ENAH: variants seen among roughly 807,000 people sequenced by gnomAD.
The protein encoded by ENAH is protein enabled homolog.
A neutral mutation model predicts 78.7 loss-of-function variants in ENAH; 23 were observed. The observed-to-expected ratio is 0.29, with a 90% CI of 0.21 to 0.41. ENAH has a LOEUF of 0.41. ENAH is among the 10% of genes least tolerant of loss of function. The pLI is 1.00. For missense variants in ENAH, 544 were observed against 691.0 expected (o/e 0.79, Z 2.39); for synonymous variants, 226 against 241.0 (o/e 0.94, Z 0.58).
At chr1:225,583,808 CAAAAAAAAAAAAAG>C (rs1190296642) in intron 1 of ENAH, among the ~76,000 whole-genome samples, 1 of 132,760 alleles carries the variant, frequency 7.5e-6, no homozygotes, top group East Asian at 2.2e-4. Flanking sequence ...ACCTCCATCT[CAAAAAAAAAAAAAG>C]AAAAGAAAGA....
At chr1:225,534,694 G>A (rs1342782392) in intron 3 of ENAH, among the ~76,000 whole-genome samples, 1 of 151,936 alleles carries the variant, frequency 6.6e-6, no homozygotes, top group Admixed American at 6.6e-5. Context: ...GCATATATGA[G>A]GTTTCTTTTC....
chr1:225,500,172 C>T (rs1053865284), intron 12 of ENAH, among the ~76,000 whole-genome samples: 2 of 152,182 alleles, frequency 1.3e-5, no homozygotes, highest in Admixed American at 1.3e-4. Flanking sequence ...AATTTTATAA[C>T]TCAATTTAAC....
chr1:225,515,930 GA>G (rs775211271), intron 6 of ENAH, among the ~76,000 whole-genome samples: 2 of 152,210 alleles, frequency 1.3e-5, no homozygotes, highest in Non-Finnish European at 2.9e-5. Context: ...GAACGTCTTA[GA>G]ATTCTGACTA....
intron 1 of ENAH, among the ~76,000 whole-genome samples, chr1:225,633,501 A>T (rs909905639): frequency 1.1e-4 from 17 of 152,196 alleles, no homozygotes; most frequent in African/African-American, 3.4e-4. Flanking sequence ...AAGGTAAAAT[A>T]AGAGGCTATA....
At chr1:225,529,854 CTCCTCCCCTG>C (rs2096529217) in intron 4 of ENAH, among the ~76,000 whole-genome samples, 2 of 152,206 alleles carry the variant, frequency 1.3e-5, no homozygotes, top group Non-Finnish European at 2.9e-5. Flanking sequence ...GCTGTACCAG[CTCCTCCCCTG>C]TCCTCCCCAA....
chr1:225,528,654 G>C (rs2096523111), intron 4 of ENAH, among the ~76,000 whole-genome samples: 1 of 152,210 alleles, frequency 6.6e-6, no homozygotes, highest in African/African-American at 2.4e-5. Context: ...GAAGGTGGTG[G>C]TCATTAGTAG....
intron 1 of ENAH, among the ~76,000 whole-genome samples, chr1:225,629,285 AG>A (rs1478277635): frequency 6.6e-6 from 1 of 150,752 alleles, no homozygotes; most frequent in Non-Finnish European, 1.5e-5. Flanking sequence ...CTCGGAAGAA[AG>A]AAAAGAAGGC....
intron 1 of ENAH, among the ~76,000 whole-genome samples, chr1:225,575,125 G>GTGACA (rs2096782400): frequency 6.6e-6 from 1 of 151,974 alleles, no homozygotes; most frequent in African/African-American, 2.4e-5. Flanking sequence ...AGAATCCTCC[G>GTGACA]TGACCCTCAC....
At position 225,567,520 on chromosome 1, in the gene ENAH, T is replaced by C. The variant is rs56308110; in HGVS notation, c.6-106A>G. On this transcript the variant is annotated intron_variant, in intron 1 of 13. Transcript: ENST00000366843. ...AGTCAGTCAACGATCAGTGCTGTTATTGGGTGCTGGAAACAATAATGGACA... is the reference window on the plus strand; with the variant it reads ...AGTCAGTCAACGATCAGTGCTGTTACTGGGTGCTGGAAACAATAATGGACA... 2,334 of 1,138,076 alleles carry C rather than the reference T, an allele frequency of 2.1e-3. 7 individuals are homozygous for C. The highest frequency in any genetic ancestry group is 4.6e-3 in the South Asian group (273 of 58,910). The allele number at this position is 1,138,076 out of a possible 1,614,324, so 70.5% of individuals were successfully genotyped here.
chr1:225,539,968 G>A (rs1389528218), intron 3 of ENAH, among the ~76,000 whole-genome samples: 1 of 152,068 alleles, frequency 6.6e-6, no homozygotes, highest in African/African-American at 2.4e-5. Flanking sequence ...TATTGTATAT[G>A]CTTTTTTCTG....
intron 3 of ENAH, among the ~76,000 whole-genome samples, chr1:225,546,182 T>C (rs763328023): frequency 2.0e-5 from 3 of 152,132 alleles, no homozygotes; most frequent in Non-Finnish European, 2.9e-5. Flanking sequence ...CCCAAAGCAC[T>C]GAGATTACAG....
intron 3 of ENAH, among the ~76,000 whole-genome samples, chr1:225,538,335 T>G (rs2096572368): frequency 6.6e-6 from 1 of 152,006 alleles, no homozygotes; most frequent in Non-Finnish European, 1.5e-5. Flanking sequence ...AAAAAAAAAG[T>G]TACCACATTG....
At chr1:225,601,660 C>A (rs559763496) in intron 1 of ENAH, among the ~76,000 whole-genome samples, 1 of 151,694 alleles carries the variant, frequency 6.6e-6, no homozygotes, top group Non-Finnish European at 1.5e-5. Flanking sequence ...TTCTCACATA[C>A]CCTAAACATT....
chr1:225,550,047 C>A (rs1195149905), intron 3 of ENAH, among the ~76,000 whole-genome samples: 1 of 152,160 alleles, frequency 6.6e-6, no homozygotes, highest in Non-Finnish European at 1.5e-5. Flanking sequence ...TAGGCCCTTC[C>A]CAACCTTATC....
rs1371225511 is a variant in ENAH, at chr1:225,492,010, TAACA to T, written c.*5761_*5764del. 1 of 152,162 alleles carries T rather than the reference TAACA, an allele frequency of 6.6e-6. No homozygotes were observed. The highest frequency in any genetic ancestry group is 2.4e-5 in the African/African-American group (1 of 41,440). The allele number at this position is 152,162 out of a possible 1,614,324, so 9.4% of individuals were successfully genotyped here. A position where few individuals can be genotyped will look rare whatever the true frequency, so the allele number is the denominator to read the frequency against. ...GAACTTTTACGGAATAAATGTAGTC[TAACA>T]AACTGGGCTCTCTAATGAAATATGT... On this transcript the variant is annotated 3_prime_UTR_variant, in exon 14 of 14. Coordinates refer to ENST00000366843, the MANE Select transcript of ENAH (RefSeq NM_018212.6).
chr1:225,505,697 T>C (rs2096322765), intron 11 of ENAH, among the ~76,000 whole-genome samples: 1 of 152,238 alleles, frequency 6.6e-6, no homozygotes, highest in South Asian at 2.1e-4. Flanking sequence ...GTTCTTACTC[T>C]TTTAAACATA....
intron 1 of ENAH, among the ~76,000 whole-genome samples, chr1:225,616,594 A>G (rs995093583): frequency 1.3e-5 from 2 of 152,078 alleles, no homozygotes; most frequent in East Asian, 3.8e-4. Context: ...TATTGCATCT[A>G]TATATAAAAA....
At chr1:225,647,031 C>T (rs1304807650) in intron 1 of ENAH, among the ~76,000 whole-genome samples, 1 of 151,712 alleles carries the variant, frequency 6.6e-6, no homozygotes, top group East Asian at 2.0e-4. Context: ...TCAAGACCAT[C>T]CTGGCTAACA....
At chr1:225,527,931 C>A (rs993354113) in intron 4 of ENAH, among the ~76,000 whole-genome samples, 1 of 152,150 alleles carries the variant, frequency 6.6e-6, no homozygotes, top group Non-Finnish European at 1.5e-5. Context: ...AACTCAACAA[C>A]CTTCCTAGGT....
Sources: gnomAD v4.1 joint callset for allele counts (sites outside exome capture counted in the v4.1 genomes callset) on GRCh38, gnomAD v4.1.1 for gene constraint, MANE v1.5 for transcripts, NCBI Gene and HGNC (gene_info 2026-07-23, HGNC 2026-07-21) for gene names.